ZNF804B: variants seen among roughly 807,000 people sequenced by gnomAD.
The protein encoded by ZNF804B is zinc finger protein 804B, also known as zinc finger 804B.
A neutral mutation model predicts 101.4 loss-of-function variants in ZNF804B; 80 were observed. The ratio of observed to expected loss-of-function variants is 0.79; its 90% CI spans 0.66 to 0.95. The LOEUF is 0.95. ZNF804B is among the 40% of genes least tolerant of loss of function. The pLI is 0.00. For synonymous variants in ZNF804B, 622 were observed against 558.8 expected (o/e 1.11, Z -1.59); for missense variants, 1,673 against 1,561.9 (o/e 1.07, Z -1.20).
intron 1 of ZNF804B, among the ~76,000 whole-genome samples, chr7:88,839,384 C>T (rs1791263558): frequency 6.6e-6 from 1 of 151,756 alleles, no homozygotes; most frequent in Non-Finnish European, 1.5e-5. Context: ...TATAACCTAC[C>T]TTAGGTATAA....
chr7:89,281,303 A>T (rs1790090643), intron 2 of ZNF804B, among the ~76,000 whole-genome samples: 2 of 152,326 alleles, frequency 1.3e-5, no homozygotes, highest in Non-Finnish European at 2.9e-5. Flanking sequence ...ATTTTATGAG[A>T]GAGTCTTACA....
chr7:88,985,723 A>G (rs2116142337), intron 1 of ZNF804B, among the ~76,000 whole-genome samples: 2 of 152,256 alleles, frequency 1.3e-5, no homozygotes, highest in South Asian at 4.1e-4. Context: ...TATATAGGGC[A>G]AGGATCAGAG....
At position 88,852,483 on chromosome 7, in the gene ZNF804B, C is replaced by T. The variant is rs115397732; in HGVS notation, c.108+92399C>T. On this transcript the variant is annotated intron_variant, in intron 1 of 3. Coordinates refer to ENST00000333190, the MANE Select transcript of ZNF804B (RefSeq NM_181646.5). ...TCACATTGTAGTTCTGCTGCCCAAT[C>T]CTTGTTACCTGGCCACTCCCAATAA... Among the ~76,000 whole-genome samples the T allele has an allele frequency of 5.3e-3, 807 of 152,078 alleles. 11 individuals carry two copies. Among genetic ancestry groups the T allele is most frequent in the African/African-American group, 0.019 (774 of 41,486 alleles).
chr7:89,134,964 T>C (rs1460553561), intron 1 of ZNF804B, among the ~76,000 whole-genome samples: 2 of 152,110 alleles, frequency 1.3e-5, no homozygotes, highest in Non-Finnish European at 2.9e-5. Flanking sequence ...CTCCTTTCAA[T>C]AAATATTTCA....
chr7:88,953,501 G>A (rs1793255610), intron 1 of ZNF804B, among the ~76,000 whole-genome samples: 5 of 151,666 alleles, frequency 3.3e-5, no homozygotes, highest in Admixed American at 6.6e-5. Context: ...TTGATTTTCT[G>A]TCACGTTCCC....
At chr7:89,066,140 A>G (rs1409532743) in intron 1 of ZNF804B, among the ~76,000 whole-genome samples, 1 of 152,142 alleles carries the variant, frequency 6.6e-6, no homozygotes, top group Non-Finnish European at 1.5e-5. Flanking sequence ...GATAGTTTCA[A>G]GCATTCAGGG....
intron 1 of ZNF804B, among the ~76,000 whole-genome samples, chr7:88,826,227 T>C (rs1791049018): frequency 6.6e-6 from 1 of 152,182 alleles, no homozygotes; most frequent in African/African-American, 2.4e-5. Context: ...CAACTGATGT[T>C]ATGTATTTGA....
At chr7:88,828,253 G>T (rs1562805052) in intron 1 of ZNF804B, among the ~76,000 whole-genome samples, 1 of 152,014 alleles carries the variant, frequency 6.6e-6, no homozygotes. Context: ...TTGCAATTTT[G>T]ACAAATTTAT....
At chr7:89,173,003 G>A (rs1791260790) in intron 1 of ZNF804B, among the ~76,000 whole-genome samples, 1 of 152,110 alleles carries the variant, frequency 6.6e-6, no homozygotes, top group Non-Finnish European at 1.5e-5. Context: ...AGGGCTTTGA[G>A]AGACGATAAT....
chr7:89,251,019 T>C (rs1789531383), intron 2 of ZNF804B, among the ~76,000 whole-genome samples: 1 of 152,162 alleles, frequency 6.6e-6, no homozygotes, highest in Non-Finnish European at 1.5e-5. Context: ...CATTCCCCCT[T>C]GAGAACTGGA....
At chr7:89,161,093 C>T (rs1470486054) in intron 1 of ZNF804B, among the ~76,000 whole-genome samples, 14 of 152,020 alleles carry the variant, frequency 9.2e-5, no homozygotes, top group Non-Finnish European at 2.1e-4. Context: ...ATTCTCTTCA[C>T]CAAGAGAAGA....
intron 1 of ZNF804B, among the ~76,000 whole-genome samples, chr7:89,133,589 C>G (rs1790583916): frequency 6.6e-6 from 1 of 152,044 alleles, no homozygotes; most frequent in African/African-American, 2.4e-5. Flanking sequence ...TGTTCACGTT[C>G]TCTGAGCTGT....
chr7:88,803,422 A>G (rs907343589), intron 1 of ZNF804B, among the ~76,000 whole-genome samples: 4 of 152,150 alleles, frequency 2.6e-5, no homozygotes, highest in Non-Finnish European at 5.9e-5. Context: ...TTTAGTCCAG[A>G]CACCTTGCAT....
At position 89,193,272 on chromosome 7, in the gene ZNF804B, C is replaced by T. The variant is rs566612532; in HGVS notation, c.109-24883C>T. ...CCCTATCATCTCAGCCCAAAAGCTTCGTTTTTTTTTTTTATAGTCTACTTT... is the reference window on the plus strand; with the variant it reads ...CCCTATCATCTCAGCCCAAAAGCTTTGTTTTTTTTTTTTATAGTCTACTTT... On this transcript the variant is annotated intron_variant, in intron 1 of 3. Coordinates refer to ENST00000333190, the MANE Select transcript of ZNF804B (RefSeq NM_181646.5). 7.2e-4 allele frequency among the ~76,000 whole-genome samples: 67 copies of T among 92,634 alleles called. No individual in the cohort carries two copies. The Middle Eastern group carries it at 0.015, about 21-fold the overall frequency. The allele number at this position is 92,634 out of a possible 152,430, so 60.8% of individuals were successfully genotyped here. A position where few individuals can be genotyped will look rare whatever the true frequency, so the allele number is the denominator to read the frequency against.
Position 88,860,439 on chromosome 7 carries a change from G to A in ZNF804B, c.108+100355G>A, listed in dbSNP as rs1290823875. Among the ~76,000 whole-genome samples, 6 of 152,010 alleles carry A rather than the reference G, an allele frequency of 3.9e-5. No homozygotes were observed. In the East Asian group the frequency reaches 9.6e-4, roughly 24 times the overall value. ...ATGGGATTTATTTGCATATTTTTAT[G>A]TATGCCCTGGTGGGTAGCAAAATTA... On this transcript the variant is annotated intron_variant, in intron 1 of 3. Transcript: ENST00000333190.
intron 1 of ZNF804B, among the ~76,000 whole-genome samples, chr7:88,859,923 A>C (rs911873522): frequency 1.3e-5 from 2 of 151,872 alleles, no homozygotes; most frequent in African/African-American, 4.8e-5. Flanking sequence ...TACTTCAAAA[A>C]GAATAAAGTT....
chr7:89,241,762 C>T (rs1190904385), intron 2 of ZNF804B, among the ~76,000 whole-genome samples: 2 of 151,344 alleles, frequency 1.3e-5, no homozygotes, highest in Non-Finnish European at 2.9e-5. Context: ...ATGCCTGCAA[C>T]TCCATTGCTA....
rs184544524 is a variant in ZNF804B, at chr7:89,171,975, T to C, written c.109-46180T>C. Among the ~76,000 whole-genome samples the C allele has an allele frequency of 1.1e-4, 16 of 151,350 alleles. No individual in the cohort carries two copies. In the East Asian group the frequency reaches 2.9e-3, roughly 28 times the overall value. ...ACAAAAGGATCTATTTGAAATATAG[T>C]CCCTGACACTTACAGAAATTGACTT... On this transcript the variant is annotated intron_variant, in intron 1 of 3. Coordinates refer to ENST00000333190, the MANE Select transcript of ZNF804B (RefSeq NM_181646.5).
chr7:88,966,687 T>C (rs966849917), intron 1 of ZNF804B, among the ~76,000 whole-genome samples: 1 of 151,578 alleles, frequency 6.6e-6, no homozygotes, highest in African/African-American at 2.4e-5. Flanking sequence ...TGTCTGTATG[T>C]GAAGTTGAGG....
Sources: allele counts gnomAD v4.1 joint callset (sites outside exome capture counted in the v4.1 genomes callset), GRCh38; gene constraint gnomAD v4.1.1; transcripts MANE v1.5; gene names NCBI Gene and HGNC (gene_info 2026-07-23, HGNC 2026-07-21).